PCDH9: variants seen among roughly 807,000 people sequenced by gnomAD.
PCDH9 encodes the protein protocadherin-9.
PCDH9 carries 24 observed loss-of-function variants against 70.6 expected under a neutral mutation model. The observed-to-expected ratio is 0.34, with a 90% confidence interval of 0.25 to 0.48. The LOEUF (loss-of-function observed/expected upper bound fraction) is 0.48, where lower values mean the gene tolerates loss of function less well. Ranked by LOEUF, PCDH9 falls within the 20% of genes least tolerant of loss-of-function variation. The pLI, the probability that PCDH9 is intolerant of heterozygous loss-of-function variation, is 0.99. For synonymous variants in PCDH9, 562 were observed against 558.5 expected, an observed-to-expected ratio of 1.01 and a Z score of -0.09; for missense variants, 1,281 against 1,503.6, an observed-to-expected ratio of 0.85 and a Z score of 2.45.
intron 3 of PCDH9, among the ~76,000 whole-genome samples, chr13:66,767,345 C>A (rs998229571): frequency 6.6e-5 from 10 of 152,152 alleles, no homozygotes; most frequent in Non-Finnish European, 1.3e-4. Flanking sequence ...ATTGCTTGAT[C>A]ACTAAGCAAT....
intron 3 of PCDH9, among the ~76,000 whole-genome samples, chr13:66,849,838 CA>C (rs1414549362): frequency 6.6e-6 from 1 of 152,076 alleles, no homozygotes; most frequent in African/African-American, 2.4e-5. Context: ...CTACCAGAAA[CA>C]GACATTGCTG....
rs183585638 is a variant in PCDH9, at chr13:66,442,570, T to A, written c.3341-137542A>T. Among the ~76,000 whole-genome samples the A allele has an allele frequency of 7.7e-4, 117 of 152,146 alleles. 1 individual carries two copies. The highest frequency in any genetic ancestry group is 2.6e-3 in the African/African-American group (110 of 41,552). ...CAAAGAGTGAGATTAAGTTGATATA[T>A]ATATATAATTAATATTTTAAGTATT... is the stretch of plus-strand genomic sequence containing the variant. On this transcript the variant is annotated intron_variant, in intron 4 of 4. Transcript: ENST00000377865.
chr13:66,918,275 A>T (rs2082587281), intron 2 of PCDH9, among the ~76,000 whole-genome samples: 1 of 151,096 alleles, frequency 6.6e-6, no homozygotes, highest in East Asian at 1.9e-4. Flanking sequence ...CTTATTTATC[A>T]TTTTGCCTCC....
At chr13:66,449,776 TATAA>T (rs1009050026) in intron 4 of PCDH9, among the ~76,000 whole-genome samples, 75 of 152,288 alleles carry the variant, frequency 4.9e-4, no homozygotes, top group Admixed American at 1.1e-3. Flanking sequence ...CGTACAGTAA[TATAA>T]ATAAACTGAT....
chr13:66,376,119 C>A (rs1216684925), intron 4 of PCDH9, among the ~76,000 whole-genome samples: 2 of 152,038 alleles, frequency 1.3e-5, no homozygotes, highest in African/African-American at 2.4e-5. Context: ...TTTACCACTA[C>A]CAAAAATAGA....
chr13:67,161,121 T>C (rs1454196990), intron 2 of PCDH9, among the ~76,000 whole-genome samples: 1 of 152,214 alleles, frequency 6.6e-6, no homozygotes, highest in Non-Finnish European at 1.5e-5. Context: ...TCCAGGTGTC[T>C]GGAGGAAACC....
chr13:66,799,066 C>T (rs1054499160), intron 3 of PCDH9, among the ~76,000 whole-genome samples: 4 of 152,084 alleles, frequency 2.6e-5, no homozygotes, highest in Non-Finnish European at 5.9e-5. Context: ...TGGCCTGCCT[C>T]GGCTGCCCAA....
chr13:66,352,674 T>C (rs1956310845), intron 4 of PCDH9, among the ~76,000 whole-genome samples: 1 of 152,132 alleles, frequency 6.6e-6, no homozygotes, highest in African/African-American at 2.4e-5. Flanking sequence ...AGAGGCCCCA[T>C]CTCCAAATAC....
At chr13:66,788,634 A>G (rs1174456363) in intron 3 of PCDH9, among the ~76,000 whole-genome samples, 1 of 149,922 alleles carries the variant, frequency 6.7e-6, no homozygotes, top group African/African-American at 2.5e-5. Flanking sequence ...CCCAGGGTAC[A>G]AAGCTAAACA....
rs185495852 is a variant in PCDH9, at chr13:66,409,727, A to G, written c.3341-104699T>C. Among the ~76,000 whole-genome samples, 308 of 152,294 alleles carry G rather than the reference A, an allele frequency of 2.0e-3. 1 individual carries two copies. Among genetic ancestry groups the G allele is most frequent in the Non-Finnish European group, 3.6e-3 (245 of 68,024 alleles). On this transcript the variant is annotated intron_variant, in intron 4 of 4. Transcript: ENST00000377865. The stretch of plus-strand genomic sequence containing the variant: ...TAATCTATATATTCAAGATCACCTC[A>G]TTTTTATTGCTGAATCATGAATTTG...
At chr13:66,418,174 A>AT (rs1221433216) in intron 4 of PCDH9, among the ~76,000 whole-genome samples, 1 of 152,084 alleles carries the variant, frequency 6.6e-6, no homozygotes, top group African/African-American at 2.4e-5. Context: ...ATGTTGAGTT[A>AT]TTTTTTGTAT....
At chr13:66,421,698 C>A (rs1957569910) in intron 4 of PCDH9, among the ~76,000 whole-genome samples, 1 of 152,170 alleles carries the variant, frequency 6.6e-6, no homozygotes, top group Admixed American at 6.5e-5. Flanking sequence ...GTACCAGCCA[C>A]TGCAAAAACA....
At chr13:66,352,082 C>T (rs1271784254) in intron 4 of PCDH9, among the ~76,000 whole-genome samples, 10 of 152,248 alleles carry the variant, frequency 6.6e-5, no homozygotes, top group African/African-American at 1.4e-4. Flanking sequence ...GTGATCCACC[C>T]GCCTCAGCCT....
chr13:66,383,468 T>C (rs1193007414), intron 4 of PCDH9, among the ~76,000 whole-genome samples: 1 of 152,188 alleles, frequency 6.6e-6, no homozygotes, highest in African/African-American at 2.4e-5. Flanking sequence ...AACTTGCTAA[T>C]TGGTTGTAAT....
chr13:66,392,191 A>G (rs879730902), intron 4 of PCDH9, among the ~76,000 whole-genome samples: 5 of 149,520 alleles, frequency 3.3e-5, no homozygotes, highest in Non-Finnish European at 7.4e-5. Flanking sequence ...GTGACTGGAG[A>G]AAAAAAAATA....
intron 2 of PCDH9, among the ~76,000 whole-genome samples, chr13:67,005,566 T>C (rs2084333867): frequency 2.0e-5 from 3 of 152,194 alleles, no homozygotes. Flanking sequence ...TCACTATGTT[T>C]GACATCCCCT....
At chr13:66,718,085 A>T (rs949343865) in intron 3 of PCDH9, among the ~76,000 whole-genome samples, 1 of 152,216 alleles carries the variant, frequency 6.6e-6, no homozygotes, top group South Asian at 2.1e-4. Context: ...AGAATAGAAC[A>T]TGTGTCTCTC....
chr13:66,783,366 C>G (rs935360029), intron 3 of PCDH9, among the ~76,000 whole-genome samples: 45 of 152,084 alleles, frequency 3.0e-4, no homozygotes, highest in African/African-American at 1.1e-3. Context: ...GCTTTGTATG[C>G]TGGAGCCAAG....
At chr13:67,024,112 C>T (rs567083036) in intron 2 of PCDH9, among the ~76,000 whole-genome samples, 1 of 152,128 alleles carries the variant, frequency 6.6e-6, no homozygotes, top group Non-Finnish European at 1.5e-5. Flanking sequence ...TTAATCTAAA[C>T]TCTATTAGGA....
Sources: gnomAD v4.1 joint callset for allele counts (sites outside exome capture counted in the v4.1 genomes callset) on GRCh38, gnomAD v4.1.1 for gene constraint, MANE v1.5 for transcripts, NCBI Gene and HGNC (gene_info 2026-07-23, HGNC 2026-07-21) for gene names.